Variants in MGAT4C observed in about 807,000 individuals in gnomAD.
MGAT4C encodes alpha-1,3-mannosyl-glycoprotein 4-beta-N-acetylglucosaminyltransferase C.
In MGAT4C, 19 loss-of-function variants were observed where a neutral mutation model predicts 40.1. That is an observed-to-expected ratio of 0.47 (90% CI 0.33 to 0.70). The LOEUF is 0.70. Among genes scored for constraint, MGAT4C ranks in the 30% least tolerant of loss-of-function variants. The pLI, the probability that MGAT4C is intolerant of heterozygous loss-of-function variation, is 0.02. For missense variants in MGAT4C, 491 were observed against 563.2 expected (o/e 0.87, Z 1.30); for synonymous variants, 181 against 187.1 (o/e 0.97, Z 0.27).
intron 1 of MGAT4C, among the ~76,000 whole-genome samples, chr12:86,826,033 G>A (rs1952799805): frequency 6.6e-6 from 1 of 151,260 alleles, no homozygotes; most frequent in East Asian, 1.9e-4. Context: ...ATGTCTCCAG[G>A]AATCCAGCAG....
chr12:86,076,976 G>T lies in MGAT4C; in HGVS notation c.-56-27253C>A, dbSNP rs189276076. 3.9e-4 allele frequency among the ~76,000 whole-genome samples: 60 copies of T among 152,300 alleles called. 1 individual carries two copies. Among genetic ancestry groups the T allele is most frequent in the Admixed American group, 6.5e-4 (10 of 15,300 alleles). ...AGCACAGGAGAAAGATGTAGGCTGG[G>T]AGGCTAGGCCAGTCTCTCTTTTCAC... On this transcript the variant is annotated intron_variant, in intron 1 of 4. Coordinates refer to ENST00000611864, the MANE Select transcript of MGAT4C (RefSeq NM_001351288.2).
intron 1 of MGAT4C, among the ~76,000 whole-genome samples, chr12:86,174,999 C>T (rs1887241817): frequency 6.6e-6 from 1 of 151,828 alleles, no homozygotes; most frequent in Admixed American, 6.6e-5. Flanking sequence ...ATAGAATTGC[C>T]ATGTATAGCA....
intron 2 of MGAT4C, among the ~76,000 whole-genome samples, chr12:86,637,219 A>G (rs892809573): frequency 2.0e-5 from 3 of 152,008 alleles, no homozygotes; most frequent in Middle Eastern, 3.2e-3. Context: ...CCTACTGATT[A>G]TATATTGAAC....
At chr12:86,709,507 T>G (rs1273360176) in intron 2 of MGAT4C, among the ~76,000 whole-genome samples, 1 of 152,186 alleles carries the variant, frequency 6.6e-6, no homozygotes, top group Admixed American at 6.5e-5. Flanking sequence ...TTTATATACC[T>G]AAGAAACATT....
chr12:86,581,990 A>T (rs1191159258), intron 2 of MGAT4C, among the ~76,000 whole-genome samples: 4 of 151,356 alleles, frequency 2.6e-5, no homozygotes, highest in Non-Finnish European at 5.9e-5. Flanking sequence ...ATTTTCTGGG[A>T]TATTCTGGTG....
intron 2 of MGAT4C, among the ~76,000 whole-genome samples, chr12:86,486,358 C>G (rs1180612119): frequency 7.0e-6 from 1 of 143,326 alleles, no homozygotes; most frequent in East Asian, 2.1e-4. Context: ...CATAAAAGAA[C>G]AGAGAAAGAT....
At chr12:86,569,186 C>A (rs1175427464) in intron 2 of MGAT4C, among the ~76,000 whole-genome samples, 4 of 151,842 alleles carry the variant, frequency 2.6e-5, no homozygotes, top group Admixed American at 6.6e-5. Flanking sequence ...AGAAAAATAA[C>A]ACTATATTAT....
In MGAT4C at chr12:86,820,592, T is replaced by C. The variant is rs1034754607; in HGVS notation, c.-262+18074A>G. Among the ~76,000 whole-genome samples, 3 of 150,812 alleles carry C rather than the reference T, an allele frequency of 2.0e-5. No individual in the cohort carries two copies. The South Asian group carries it at 6.2e-4, about 31-fold the overall frequency. Reference sequence around the variant, plus strand: ...CCCTAATAATCATGATCAATAGTTATTTGAAACTATTTTATAAAAGTTTTA... The same window carrying C: ...CCCTAATAATCATGATCAATAGTTACTTGAAACTATTTTATAAAAGTTTTA... On this transcript the variant is annotated intron_variant, in intron 1 of 7. Coordinates refer to the MGAT4C transcript ENST00000548651.
intron 2 of MGAT4C, among the ~76,000 whole-genome samples, chr12:86,662,459 C>T (rs1964003292): frequency 3.9e-5 from 6 of 152,150 alleles, no homozygotes; most frequent in Admixed American, 3.3e-4. Flanking sequence ...TGTTATCAAC[C>T]TTTGGTTCAT....
chr12:86,260,416 C>T, upstream of MGAT4C, among the ~76,000 whole-genome samples: 1 of 152,120 alleles, frequency 6.6e-6, no homozygotes, highest in Non-Finnish European at 1.5e-5. Flanking sequence ...ATGATGCAGG[C>T]ACAGCCATAC....
intron 1 of MGAT4C, among the ~76,000 whole-genome samples, chr12:86,758,583 T>G (rs887364371): frequency 1.3e-5 from 2 of 152,040 alleles, no homozygotes; most frequent in African/African-American, 2.4e-5. Flanking sequence ...CTTATATTAT[T>G]CAGATAAGTG....
chr12:86,098,042 T>A (rs183334788), intron 1 of MGAT4C, among the ~76,000 whole-genome samples: 116 of 151,784 alleles, frequency 7.6e-4, no homozygotes, highest in East Asian at 1.4e-3. Context: ...AGAGTCTTTC[T>A]CTACACTTTT....
chr12:86,407,130 T>C (rs1355306330), intron 3 of MGAT4C, among the ~76,000 whole-genome samples: 3 of 152,138 alleles, frequency 2.0e-5, no homozygotes, highest in African/African-American at 4.8e-5. Flanking sequence ...AAAGATTTTA[T>C]AAAGAATACA....
intron 3 of MGAT4C, among the ~76,000 whole-genome samples, chr12:86,385,975 G>A (rs908076389): frequency 1.3e-5 from 2 of 152,032 alleles, no homozygotes; most frequent in African/African-American, 4.8e-5. Context: ...CTGTCACCCA[G>A]GCTGGAGTGC....
chr12:86,006,639 CCTG>C (rs1887907840), intron 2 of MGAT4C, among the ~76,000 whole-genome samples: 1 of 152,132 alleles, frequency 6.6e-6, no homozygotes, highest in Non-Finnish European at 1.5e-5. Context: ...TAGCACTTAC[CCTG>C]TAGAGTCGGC....
intron 2 of MGAT4C, among the ~76,000 whole-genome samples, chr12:86,627,946 C>T (rs1002722785): frequency 2.6e-5 from 4 of 150,994 alleles, no homozygotes; most frequent in Non-Finnish European, 5.9e-5. Flanking sequence ...ACAAACTTCC[C>T]TGAGCTAAAG....
intron 1 of MGAT4C, among the ~76,000 whole-genome samples, chr12:86,096,248 C>T (rs995283479): frequency 4.0e-5 from 6 of 151,568 alleles, no homozygotes; most frequent in Non-Finnish European, 8.9e-5. Flanking sequence ...TTATTTCTGG[C>T]CATTATAGGT....
In MGAT4C at chr12:86,508,053, AT is replaced by A. The variant is rs199857655; in HGVS notation, c.-228-72789del. Among the ~76,000 whole-genome samples, 1,361 of 148,070 alleles carry A rather than the reference AT, an allele frequency of 9.2e-3. 8 individuals are homozygous for A. The highest frequency in any genetic ancestry group is 0.017 in the Middle Eastern group (5 of 288). On this transcript the variant is annotated intron_variant, in intron 2 of 7. Coordinates refer to the MGAT4C transcript ENST00000548651. ...CTTTCCATTTATGTGTGTCTTTAAT[AT>A]TTTTTTATTTATTATTATTATACTT...
intron 2 of MGAT4C, among the ~76,000 whole-genome samples, chr12:86,582,289 TTGAA>T (rs1256051990): frequency 6.6e-6 from 1 of 151,364 alleles, no homozygotes; most frequent in Non-Finnish European, 1.5e-5. Flanking sequence ...TGTTATAACT[TTGAA>T]TGTGAAATGA....
Sources: gnomAD v4.1 joint callset for allele counts (sites outside exome capture counted in the v4.1 genomes callset) on GRCh38, gnomAD v4.1.1 for gene constraint, MANE v1.5 for transcripts, NCBI Gene and HGNC (gene_info 2026-07-23, HGNC 2026-07-21) for gene names.